Variants in MIS18A observed in about 807,000 individuals in gnomAD.
MIS18A encodes MIS18 kinetochore protein A.
In MIS18A, 14 loss-of-function variants were observed where a neutral mutation model predicts 25.0. The ratio of observed to expected loss-of-function variants is 0.56; its 90% CI spans 0.37 to 0.88. MIS18A has a LOEUF of 0.88. MIS18A is among the 40% of genes least tolerant of loss of function. The pLI is 0.00. For synonymous variants in MIS18A, 134 were observed against 118.6 expected, an observed-to-expected ratio of 1.13 and a Z score of -0.84; for missense variants, 292 against 290.8, an observed-to-expected ratio of 1.00 and a Z score of -0.03.
At chr21:32,193,173 C>T in the MIS18A span, among the ~76,000 whole-genome samples, 9 of 152,136 alleles carry the variant, frequency 5.9e-5, no homozygotes, top group Non-Finnish European at 7.3e-5. Flanking sequence ...GGACAGGCAG[C>T]GCAGCAAGAG....
chr21:32,258,672 C>T, the MIS18A span, among the ~76,000 whole-genome samples: 1 of 151,962 alleles, frequency 6.6e-6, no homozygotes, highest in Non-Finnish European at 1.5e-5. Context: ...CACACCAAAA[C>T]GCACCAACAT....
chr21:32,180,895 A>G, the MIS18A span, among the ~76,000 whole-genome samples: 3 of 152,130 alleles, frequency 2.0e-5, no homozygotes, highest in Admixed American at 1.3e-4. Context: ...CTGAAGAGTG[A>G]GCTGAGATCT....
chr21:32,252,279 A>AGGAGGG, the MIS18A span, among the ~76,000 whole-genome samples: 3 of 140,510 alleles, frequency 2.1e-5, no homozygotes, highest in Admixed American at 7.0e-5. Context: ...GAGGAGGAGG[A>AGGAGGG]GGAAGAGAGA....
the MIS18A span, among the ~76,000 whole-genome samples, chr21:32,248,654 G>GCTTT: frequency 3.9e-5 from 6 of 152,150 alleles, no homozygotes; most frequent in Non-Finnish European, 7.4e-5. Flanking sequence ...CTTAACCCAG[G>GCTTT]CTTTCAGTGG....
At chr21:32,161,712 G>A in the MIS18A span, among the ~76,000 whole-genome samples, 5 of 140,762 alleles carry the variant, frequency 3.6e-5, no homozygotes, top group South Asian at 2.3e-4. Context: ...GGCTGATCTC[G>A]AATGCCTGAT....
the MIS18A span, among the ~76,000 whole-genome samples, chr21:32,164,625 T>C: frequency 3.3e-5 from 5 of 151,110 alleles, no homozygotes; most frequent in Admixed American, 3.3e-4. Context: ...TTTCCAAAAA[T>C]TCAAATTATA....
the MIS18A span, among the ~76,000 whole-genome samples, chr21:32,235,791 C>A: frequency 2.6e-5 from 4 of 152,132 alleles, no homozygotes; most frequent in Non-Finnish European, 5.9e-5. Context: ...CTCAACCCAC[C>A]ATGGAGAACA....
At chr21:32,262,441 C>G in the MIS18A span, among the ~76,000 whole-genome samples, 1 of 152,190 alleles carries the variant, frequency 6.6e-6, no homozygotes, top group Non-Finnish European at 1.5e-5. Flanking sequence ...TTCTACTGTT[C>G]TCAAGAAGCC....
At chr21:32,161,500 G>GT in the MIS18A span, among the ~76,000 whole-genome samples, 4,829 of 150,798 alleles carry the variant, frequency 0.032, 105 homozygotes, top group South Asian at 0.073. Flanking sequence ...TTGTTTGTTT[G>GT]TTGTTTTTGA....
rs930128270 is a variant in MIS18A at position 32,268,391 on chromosome 21, C to T, written c.*646G>A. 4 of 152,190 alleles carry T rather than the reference C, an allele frequency of 2.6e-5. No individual in the cohort carries two copies. The highest frequency in any genetic ancestry group is 7.2e-5 in the African/African-American group (3 of 41,436). 9.4% of individuals were successfully genotyped at this position (152,190 alleles called of 1,614,324 possible). A position where few individuals can be genotyped will look rare whatever the true frequency, so the allele number is the denominator to read the frequency against. On this transcript the variant is annotated 3_prime_UTR_variant, in exon 5 of 5. Transcript: ENST00000290130. ...CAGGTTTTTTAAGCATATAGTAGTA[C>T]ATAAGCAGGAAAAAGTAAAATCCTA...
At chr21:32,155,095 A>C in the MIS18A span, among the ~76,000 whole-genome samples, 2 of 152,204 alleles carry the variant, frequency 1.3e-5, no homozygotes, top group Non-Finnish European at 2.9e-5. Flanking sequence ...GGAGTATTAT[A>C]CCCAGGAAGC....
At chr21:32,170,726 A>G in the MIS18A span, among the ~76,000 whole-genome samples, 3 of 152,090 alleles carry the variant, frequency 2.0e-5, no homozygotes, top group Non-Finnish European at 4.4e-5. Context: ...GATATAGAAT[A>G]ATGTCAATAA....
the MIS18A span, among the ~76,000 whole-genome samples, chr21:32,169,719 G>C: frequency 1.3e-5 from 2 of 152,042 alleles, no homozygotes; most frequent in Non-Finnish European, 2.9e-5. Context: ...GAGCTATACT[G>C]GTTCAAGGCA....
chr21:32,228,339 G>A, the MIS18A span, among the ~76,000 whole-genome samples: 11 of 152,158 alleles, frequency 7.2e-5, no homozygotes, highest in South Asian at 4.1e-4. Context: ...CGCCCACCTC[G>A]GCCTCCCAAA....
the MIS18A span, among the ~76,000 whole-genome samples, chr21:32,198,156 G>T: frequency 6.6e-6 from 1 of 152,188 alleles, no homozygotes; most frequent in Non-Finnish European, 1.5e-5. Context: ...AAGGGAGGCT[G>T]TGATTTCTGT....
At chr21:32,195,952 G>A in the MIS18A span, among the ~76,000 whole-genome samples, 1 of 152,054 alleles carries the variant, frequency 6.6e-6, no homozygotes, top group Non-Finnish European at 1.5e-5. Flanking sequence ...CCTGGTTGGA[G>A]GAGGTTGCAG....
chr21:32,237,980 C>A, the MIS18A span, among the ~76,000 whole-genome samples: 1 of 152,128 alleles, frequency 6.6e-6, no homozygotes, highest in Non-Finnish European at 1.5e-5. Flanking sequence ...GCCCTGTAAT[C>A]CCTGTGTCAG....
the MIS18A span, among the ~76,000 whole-genome samples, chr21:32,185,148 G>A: frequency 1.3e-5 from 2 of 151,996 alleles, no homozygotes; most frequent in Non-Finnish European, 2.9e-5. Flanking sequence ...CCCTTCAGAC[G>A]GGTCTCTCCA....
At chr21:32,183,095 G>A in the MIS18A span, among the ~76,000 whole-genome samples, 1 of 152,192 alleles carries the variant, frequency 6.6e-6, no homozygotes, top group African/African-American at 2.4e-5. Flanking sequence ...TCTGGGGCAG[G>A]AGCTGGTCCT....
Sources: allele counts gnomAD v4.1 joint callset (sites outside exome capture counted in the v4.1 genomes callset), GRCh38; gene constraint gnomAD v4.1.1; transcripts MANE v1.5; gene names NCBI Gene and HGNC (gene_info 2026-07-23, HGNC 2026-07-21).